The following MECOM variants were observed in gnomAD, a reference collection of about 807,000 sequenced individuals.
MECOM encodes MDS1 and EVI1 complex locus, also known as histone-lysine N-methyltransferase MECOM.
A neutral mutation model predicts 116.3 loss-of-function variants in MECOM; 13 were observed. The ratio of observed to expected loss-of-function variants is 0.11; its 90% CI spans 0.07 to 0.18. MECOM has a LOEUF of 0.18. Ranked by LOEUF, MECOM falls within the 10% of genes least tolerant of loss-of-function variation. MECOM has a pLI of 1.00. For missense variants in MECOM, 1,299 were observed against 1,509.0 expected, an observed-to-expected ratio of 0.86 and a Z score of 2.31; for synonymous variants, 528 against 535.2, an observed-to-expected ratio of 0.99 and a Z score of 0.19.
chr3:169,256,343 G>GA (rs202230592), intron 2 of MECOM, among the ~76,000 whole-genome samples: 3,476 of 127,180 alleles, frequency 0.027, 107 homozygotes, highest in African/African-American at 0.084. Context: ...ATTCAAACAA[G>GA]AAAAAAAAAA....
intron 2 of MECOM, among the ~76,000 whole-genome samples, chr3:169,356,135 T>G (rs1727238058): frequency 1.3e-5 from 2 of 151,892 alleles, no homozygotes; most frequent in Non-Finnish European, 1.5e-5. Context: ...AATTCACTCC[T>G]TCTGTTCTTG....
intron 1 of MECOM, among the ~76,000 whole-genome samples, chr3:169,543,742 T>TATA (rs1760383079): frequency 6.6e-6 from 1 of 152,216 alleles, no homozygotes; most frequent in Non-Finnish European, 1.5e-5. Context: ...ATCTCCCTTA[T>TATA]ATAAGATAAT....
At chr3:169,485,923 A>AGTATATATGTACATATATACTATATAT (rs1560340154) in intron 1 of MECOM, among the ~76,000 whole-genome samples, 7 of 83,762 alleles carry the variant, frequency 8.4e-5, no homozygotes, top group African/African-American at 3.9e-4. Flanking sequence ...ATGTATATAT[A>AGTATATATGTACATATATACTATATAT]GTATATATAG....
At chr3:169,360,290 TAA>T (rs1203615730) in intron 2 of MECOM, among the ~76,000 whole-genome samples, 5 of 29,520 alleles carry the variant, frequency 1.7e-4, no homozygotes, top group Non-Finnish European at 2.4e-4. Flanking sequence ...TAAAGTATAA[TAA>T]AAAAAAAAAA....
At chr3:169,445,783 C>T (rs1387801393) in intron 1 of MECOM, among the ~76,000 whole-genome samples, 1 of 152,204 alleles carries the variant, frequency 6.6e-6, no homozygotes. Flanking sequence ...TGCAAAGCCA[C>T]AGGGGCAGAG....
intron 2 of MECOM, among the ~76,000 whole-genome samples, chr3:169,263,077 CTATATATATATATATATATA>C (rs748506622): frequency 0.018 from 600 of 32,918 alleles, 32 homozygotes; most frequent in African/African-American, 0.053. Context: ...TTTCAAGATG[CTATATATATATATATATATA>C]TATATATATA....
intron 1 of MECOM, among the ~76,000 whole-genome samples, chr3:169,659,770 T>TG (rs1050550126): frequency 9.9e-5 from 15 of 152,106 alleles, no homozygotes; most frequent in East Asian, 5.8e-4. Flanking sequence ...TTTGTTGTTG[T>TG]GGGGGGGTTG....
chr3:169,559,046 G>GCGCACACA (rs1553885901), intron 1 of MECOM, among the ~76,000 whole-genome samples: 1 of 148,394 alleles, frequency 6.7e-6, no homozygotes, highest in African/African-American at 2.5e-5. Context: ...ACACACACGC[G>GCGCACACA]CACACACACA....
intron 1 of MECOM, among the ~76,000 whole-genome samples, chr3:169,446,329 A>C (rs1364346878): frequency 6.6e-6 from 1 of 152,090 alleles, no homozygotes; most frequent in East Asian, 1.9e-4. Flanking sequence ...CATGATAGTG[A>C]CTATGTCTCA....
chr3:169,474,470 G>A (rs576456830), intron 1 of MECOM, among the ~76,000 whole-genome samples: 1 of 151,980 alleles, frequency 6.6e-6, no homozygotes, highest in African/African-American at 2.4e-5. Flanking sequence ...TACCACCTTG[G>A]GTTGATGGGA....
chr3:169,573,307 T>C (rs1255569442), intron 1 of MECOM, among the ~76,000 whole-genome samples: 4 of 152,188 alleles, frequency 2.6e-5, no homozygotes. Context: ...CATCTAAGCA[T>C]ACAAACAAAA....
chr3:169,623,878 AG>A (rs1771047876), intron 1 of MECOM: 1 of 152,106 alleles, frequency 6.6e-6, no homozygotes, highest in Admixed American at 6.6e-5. Context: ...GTAACAAAAA[AG>A]TTATTCCTTA....
At chr3:169,273,987 C>G (rs911825669) in intron 2 of MECOM, among the ~76,000 whole-genome samples, 7 of 149,470 alleles carry the variant, frequency 4.7e-5, no homozygotes, top group African/African-American at 1.7e-4. Flanking sequence ...TCTCAGCTCA[C>G]TGCAACCTCT....
intron 1 of MECOM, among the ~76,000 whole-genome samples, chr3:169,495,335 T>C (rs1053122782): frequency 6.6e-6 from 1 of 152,196 alleles, no homozygotes; most frequent in Non-Finnish European, 1.5e-5. Context: ...AGCAGATGGT[T>C]CAATTGTACA....
At chr3:169,643,648 TCAC>T (rs1773779268) in intron 1 of MECOM, among the ~76,000 whole-genome samples, 1 of 152,182 alleles carries the variant, frequency 6.6e-6, no homozygotes, top group African/African-American at 2.4e-5. Context: ...CCAAAATCAT[TCAC>T]CAAGTGGAAG....
chr3:169,551,452 T>C (rs1237641644), intron 1 of MECOM, among the ~76,000 whole-genome samples: 4 of 152,154 alleles, frequency 2.6e-5, no homozygotes, highest in Non-Finnish European at 4.4e-5. Context: ...TCATTTGTCT[T>C]GGTTTACGCA....
intron 5 of MECOM, among the ~76,000 whole-genome samples, chr3:169,126,799 A>T (rs9826358): frequency 0.82 from 125,193 of 151,816 alleles, 52,467 homozygotes; most frequent in Non-Finnish European, 0.89. Context: ...TATAGGGCTA[A>T]ACATGAGGTG....
intron 1 of MECOM, among the ~76,000 whole-genome samples, chr3:169,452,981 G>A (rs759920798): frequency 6.6e-6 from 1 of 152,086 alleles, no homozygotes; most frequent in Non-Finnish European, 1.5e-5. Flanking sequence ...CTTTTTAAGG[G>A]AAATTTCTCA....
At chr3:169,328,652 ATGT>A (rs1377861955) in intron 2 of MECOM, among the ~76,000 whole-genome samples, 1 of 152,162 alleles carries the variant, frequency 6.6e-6, no homozygotes, top group Non-Finnish European at 1.5e-5. Context: ...TATGAATTAA[ATGT>A]TGTAGAAAAA....
Sources: gnomAD v4.1 joint callset for allele counts (sites outside exome capture counted in the v4.1 genomes callset) on GRCh38, gnomAD v4.1.1 for gene constraint, MANE v1.5 for transcripts, NCBI Gene and HGNC (gene_info 2026-07-23, HGNC 2026-07-21) for gene names.